Variants in NEXMIF observed in about 807,000 individuals in gnomAD.
NEXMIF encodes the protein XLMR protein related to neurite extension.
Under a neutral mutation model 62.1 loss-of-function variants are expected in NEXMIF, and 8 were observed. The ratio of observed to expected loss-of-function variants is 0.13; its 90% CI spans 0.08 to 0.23. The LOEUF (loss-of-function observed/expected upper bound fraction) is 0.23. NEXMIF is among the 10% of genes least tolerant of loss of function. The probability of loss-of-function intolerance (pLI) is 1.00; values close to 1 mark genes in which losing one functional copy is unlikely to be tolerated. For missense variants in NEXMIF, 976 were observed against 1,113.3 expected, an observed-to-expected ratio of 0.88 and a Z score of 1.75; for synonymous variants, 404 against 416.6, an observed-to-expected ratio of 0.97 and a Z score of 0.37.
At chrX:74,915,413 G>A (rs2080803281) in intron 1 of NEXMIF, among the ~76,000 whole-genome samples, 1 of 112,449 alleles carries the variant, frequency 8.9e-6, no homozygotes. Flanking sequence ...GCAACTTCCA[G>A]TGATTCTATA....
At chrX:74,882,552 G>A (rs1223138957) in intron 1 of NEXMIF, among the ~76,000 whole-genome samples, 2 of 111,793 alleles carry the variant, frequency 1.8e-5, no homozygotes, top group African/African-American at 6.5e-5. Flanking sequence ...CTCATTGCTA[G>A]CACAGCAGTC....
intron 1 of NEXMIF, among the ~76,000 whole-genome samples, chrX:74,893,742 G>A (rs960731170): frequency 1.1e-4 from 12 of 111,878 alleles, no homozygotes; most frequent in African/African-American, 3.2e-4. Flanking sequence ...ATCATAAGAC[G>A]CTTTGCAGAA....
Position 74,876,236 on chromosome X carries a change from G to A in NEXMIF, c.-48+48647C>T, listed in dbSNP as rs778496272. ...AAAGAACATCTTTATTTCTGCCTTC[G>A]TTTCATTATGTACCCAGTAGTCATT... is the stretch of plus-strand genomic sequence containing the variant. On this transcript the variant is annotated intron_variant, in intron 1 of 3. Transcript: ENST00000055682. Among the ~76,000 whole-genome samples, 144 of 110,035 alleles carry A rather than the reference G, an allele frequency of 1.3e-3. No individual in the cohort carries two copies. The Middle Eastern group carries it at 0.014, about 11-fold the overall frequency.
chrX:74,922,099 G>A (rs1312589487), intron 1 of NEXMIF, among the ~76,000 whole-genome samples: 2 of 111,490 alleles, frequency 1.8e-5, no homozygotes, highest in African/African-American at 3.3e-5. Flanking sequence ...CATAGTGACC[G>A]TGTCCAGGAT....
chrX:74,877,864 G>C (rs2080643632), intron 1 of NEXMIF, among the ~76,000 whole-genome samples: 1 of 111,448 alleles, frequency 9.0e-6, no homozygotes, highest in Admixed American at 9.5e-5. Flanking sequence ...GCACTTCTCT[G>C]TATTGGTTAT....
intron 1 of NEXMIF, among the ~76,000 whole-genome samples, chrX:74,914,891 G>T (rs1205025274): frequency 8.9e-6 from 1 of 111,871 alleles, no homozygotes; most frequent in African/African-American, 3.2e-5. Flanking sequence ...CAAAACAACT[G>T]GAATAGATCT....
intron 1 of NEXMIF, among the ~76,000 whole-genome samples, chrX:74,782,312 C>A (rs1250964218): frequency 9.0e-6 from 1 of 111,654 alleles, no homozygotes; most frequent in Non-Finnish European, 1.9e-5. Flanking sequence ...CCTTTGAGCT[C>A]AGGTTTGGAA....
chrX:74,756,586 G>A (rs1480504594), intron 1 of NEXMIF, among the ~76,000 whole-genome samples: 5 of 111,450 alleles, frequency 4.5e-5, no homozygotes, highest in Non-Finnish European at 1.9e-5. Flanking sequence ...AAGAAGAGGG[G>A]TTGGGCCTAA....
intron 1 of NEXMIF, among the ~76,000 whole-genome samples, chrX:74,878,852 G>T (rs962551474): frequency 3.6e-5 from 4 of 112,173 alleles, no homozygotes; most frequent in African/African-American, 1.3e-4. Context: ...TTCAGCTCGC[G>T]CATGGTGCGC....
At chrX:74,905,774 C>A (rs1206047575) in intron 1 of NEXMIF, among the ~76,000 whole-genome samples, 2 of 111,006 alleles carry the variant, frequency 1.8e-5, no homozygotes, top group African/African-American at 6.5e-5. Flanking sequence ...TGCACCACTG[C>A]ACTCCAGCCT....
chrX:74,860,945 T>A (rs1249177297), intron 1 of NEXMIF, among the ~76,000 whole-genome samples: 1 of 110,625 alleles, frequency 9.0e-6, no homozygotes, highest in Admixed American at 9.6e-5. Context: ...TAACAAAAGA[T>A]CAACAAAACC....
At chrX:74,840,316 T>C (rs562244866) in intron 1 of NEXMIF, among the ~76,000 whole-genome samples, 5 of 111,581 alleles carry the variant, frequency 4.5e-5, no homozygotes, top group African/African-American at 9.8e-5. Context: ...TATGAGACCT[T>C]TGTCAGATGC....
At chrX:74,868,447 T>G (rs2080588042) in intron 1 of NEXMIF, among the ~76,000 whole-genome samples, 1 of 111,279 alleles carries the variant, frequency 9.0e-6, no homozygotes, top group Admixed American at 9.6e-5. Flanking sequence ...TATGCAGGCA[T>G]AAAAAGGAAC....
At chrX:74,838,608 A>G (rs981132450) in intron 1 of NEXMIF, among the ~76,000 whole-genome samples, 2 of 111,877 alleles carry the variant, frequency 1.8e-5, no homozygotes, top group African/African-American at 6.5e-5. Context: ...CAATACAGGG[A>G]TGTCTTTTTA....
intron 1 of NEXMIF, among the ~76,000 whole-genome samples, chrX:74,871,878 G>A (rs999239256): frequency 2.7e-5 from 3 of 111,183 alleles, no homozygotes; most frequent in African/African-American, 9.8e-5. Flanking sequence ...TCATATTGTT[G>A]AAACACACAT....
chrX:74,910,051 G>A (rs2080783404), intron 1 of NEXMIF, among the ~76,000 whole-genome samples: 1 of 112,689 alleles, frequency 8.9e-6, no homozygotes, highest in Non-Finnish European at 1.9e-5. Context: ...CAGTGCAGAA[G>A]AAAAATGTGG....
intron 1 of NEXMIF, among the ~76,000 whole-genome samples, chrX:74,765,560 T>C (rs2080192205): frequency 8.9e-6 from 1 of 111,787 alleles, no homozygotes; most frequent in Non-Finnish European, 1.9e-5. Context: ...TATTGGCTGG[T>C]AGCAGCCTTT....
chrX:74,848,413 T>C (rs141385068), intron 1 of NEXMIF, among the ~76,000 whole-genome samples: 2 of 112,416 alleles, frequency 1.8e-5, no homozygotes, highest in Non-Finnish European at 3.8e-5. Context: ...GTCAGTGGCA[T>C]AAAACAACAG....
At chrX:74,866,012 C>G (rs1004937710) in intron 1 of NEXMIF, among the ~76,000 whole-genome samples, 1 of 111,417 alleles carries the variant, frequency 9.0e-6, no homozygotes, top group Non-Finnish European at 1.9e-5. Context: ...GGGGCACTGC[C>G]TAGTGGAGCT....
Sources: gnomAD v4.1 joint callset for allele counts (sites outside exome capture counted in the v4.1 genomes callset) on GRCh38, gnomAD v4.1.1 for gene constraint, MANE v1.5 for transcripts, NCBI Gene and HGNC (gene_info 2026-07-23, HGNC 2026-07-21) for gene names.